CFAP299: variants seen among roughly 807,000 people sequenced by gnomAD.
The protein encoded by CFAP299 is cilia- and flagella-associated protein 299.
A neutral mutation model predicts 27.0 loss-of-function variants in CFAP299; 21 were observed. The ratio of observed to expected loss-of-function variants is 0.78; its 90% CI spans 0.55 to 1.12. CFAP299 has a LOEUF of 1.12. Among genes scored for constraint, CFAP299 ranks in the 50% most tolerant of loss-of-function variants. The probability of loss-of-function intolerance (pLI) is 0.00; values close to 1 mark genes in which losing one functional copy is unlikely to be tolerated. For missense variants in CFAP299, 310 were observed against 276.6 expected (o/e 1.12, Z -0.86); for synonymous variants, 104 against 98.1 (o/e 1.06, Z -0.36).
At chr4:80,420,325 C>A (rs1727232486) in intron 2 of CFAP299, 17 of 424,294 alleles carry the variant, frequency 4.0e-5, no homozygotes, top group South Asian at 2.9e-4. Context: ...CCACAAAAGG[C>A]AAGTTTGCAG....
At chr4:80,490,955 T>C (rs1160508870) in intron 2 of CFAP299, among the ~76,000 whole-genome samples, 3 of 150,070 alleles carry the variant, frequency 2.0e-5, no homozygotes, top group Non-Finnish European at 4.4e-5. Flanking sequence ...CCATCTTACT[T>C]ACCTCTCCAT....
intron 3 of CFAP299, among the ~76,000 whole-genome samples, chr4:80,862,580 T>C (rs1732450617): frequency 6.6e-6 from 1 of 152,118 alleles, no homozygotes; most frequent in Non-Finnish European, 1.5e-5. Flanking sequence ...CACTTTGTCC[T>C]TTGTCCATGA....
chr4:80,706,911 G>A (rs778674900), intron 3 of CFAP299, among the ~76,000 whole-genome samples: 88 of 151,960 alleles, frequency 5.8e-4, no homozygotes, highest in Middle Eastern at 3.4e-3. Context: ...GGAAGTAGGC[G>A]TGAATATACA....
chr4:80,581,464 A>ATATATATATATATATATATATATATG (rs1560636532), intron 2 of CFAP299, among the ~76,000 whole-genome samples: 6 of 133,368 alleles, frequency 4.5e-5, no homozygotes, highest in African/African-American at 1.8e-4. Flanking sequence ...ATATATATAT[A>ATATATATATATATATATATATATATG]TATATATATA....
In CFAP299 at chr4:80,642,261, G is replaced by A. The variant is rs979969939; in HGVS notation, c.333+59078G>A. On this transcript the variant is annotated intron_variant, in intron 3 of 5. Transcript: ENST00000358105. ...TGAACATAAAACCTCATAAGCATTG[G>A]CAACTGATTAAATTTGGATTTAAGT... is the stretch of plus-strand genomic sequence containing the variant. 4.6e-5 allele frequency among the ~76,000 whole-genome samples: 7 copies of A among 152,176 alleles called. No homozygotes were observed. In the South Asian group the frequency reaches 1.5e-3, roughly 32 times the overall value.
At position 80,765,672 on chromosome 4, in the gene CFAP299, G is replaced by A. The variant is rs114224689; in HGVS notation, c.334-104321G>A. ...GTACATGTGCACAACATGCAGGTTT[G>A]TTAGCACACCAATATAAAAATAAAT... is the stretch of plus-strand genomic sequence containing the variant. On this transcript the variant is annotated intron_variant, in intron 3 of 5. Transcript: ENST00000358105. Among the ~76,000 whole-genome samples the A allele has an allele frequency of 1.1e-3, 173 of 151,904 alleles. 1 individual carries two copies. The highest frequency in any genetic ancestry group is 4.0e-3 in the African/African-American group (164 of 41,482).
At chr4:80,388,415 G>T in intron 2 of CFAP299, 1 of 759,886 alleles carries the variant, frequency 1.3e-6, no homozygotes, top group Non-Finnish European at 2.3e-6. Context: ...TGTGGGTGCT[G>T]CCGAAGGTGT....
chr4:80,850,106 A>G (rs1040235500), intron 3 of CFAP299, among the ~76,000 whole-genome samples: 5 of 152,160 alleles, frequency 3.3e-5, no homozygotes, highest in Admixed American at 6.6e-5. Context: ...AATCATAGCT[A>G]GGGAATAGAT....
intron 5 of CFAP299, among the ~76,000 whole-genome samples, chr4:80,952,754 T>C (rs146646303): frequency 1.3e-3 from 203 of 152,154 alleles, no homozygotes; most frequent in African/African-American, 4.6e-3. Flanking sequence ...TTCTCAGAGC[T>C]CCTCTCTCCT....
chr4:80,955,584 T>C (rs1014883828), intron 5 of CFAP299, among the ~76,000 whole-genome samples: 11 of 152,216 alleles, frequency 7.2e-5, no homozygotes, highest in African/African-American at 2.4e-4. Flanking sequence ...TTAAATAAAT[T>C]ATGATACATG....
At chr4:80,325,367 A>C in the CFAP299 span, among the ~76,000 whole-genome samples, 4 of 152,242 alleles carry the variant, frequency 2.6e-5, no homozygotes, top group Non-Finnish European at 5.9e-5. Context: ...GTATCTATTT[A>C]TAACAACTTT....
chr4:80,598,990 C>A (rs1464861819), intron 3 of CFAP299, among the ~76,000 whole-genome samples: 1 of 152,142 alleles, frequency 6.6e-6, no homozygotes, highest in Non-Finnish European at 1.5e-5. Context: ...AGATGGTATG[C>A]GGCATGCCTA....
chr4:80,913,824 T>C (rs1440724202), intron 4 of CFAP299, among the ~76,000 whole-genome samples: 1 of 152,214 alleles, frequency 6.6e-6, no homozygotes, highest in Non-Finnish European at 1.5e-5. Flanking sequence ...CATCACCCCC[T>C]AAAGTATGCC....
intron 4 of CFAP299, among the ~76,000 whole-genome samples, chr4:80,888,811 A>G (rs1453487331): frequency 6.6e-6 from 1 of 151,968 alleles, no homozygotes; most frequent in African/African-American, 2.4e-5. Context: ...AATCAATAAC[A>G]AGAGGAATTT....
chr4:80,608,050 T>C (rs1438076353), intron 3 of CFAP299, among the ~76,000 whole-genome samples: 1 of 152,172 alleles, frequency 6.6e-6, no homozygotes, highest in African/African-American at 2.4e-5. Context: ...AAGTTTCTTT[T>C]TCAATTTTAC....
At chr4:80,858,198 G>C (rs1157499573) in intron 3 of CFAP299, among the ~76,000 whole-genome samples, 1 of 152,182 alleles carries the variant, frequency 6.6e-6, no homozygotes, top group East Asian at 1.9e-4. Context: ...TTTGCATAGA[G>C]GTGTTTGTAG....
chr4:80,730,313 C>T (rs538181093), intron 3 of CFAP299, among the ~76,000 whole-genome samples: 6 of 133,968 alleles, frequency 4.5e-5, no homozygotes, highest in South Asian at 2.5e-4. Flanking sequence ...ACCTGACCTC[C>T]GGGCAGGCAG....
At chr4:80,581,650 A>G (rs1380215721) in intron 2 of CFAP299, among the ~76,000 whole-genome samples, 2 of 151,272 alleles carry the variant, frequency 1.3e-5, no homozygotes, top group African/African-American at 4.8e-5. Context: ...CACTAGGTGT[A>G]TTTTATCTCT....
intron 5 of CFAP299, among the ~76,000 whole-genome samples, chr4:80,961,495 G>C (rs940247858): frequency 2.6e-4 from 40 of 151,736 alleles, no homozygotes; most frequent in African/African-American, 9.4e-4. Flanking sequence ...ATTTATATAA[G>C]AATGTATTTA....
Sources: gnomAD v4.1 joint callset for allele counts (sites outside exome capture counted in the v4.1 genomes callset) on GRCh38, gnomAD v4.1.1 for gene constraint, MANE v1.5 for transcripts, NCBI Gene and HGNC (gene_info 2026-07-23, HGNC 2026-07-21) for gene names.